The following NBEA variants were observed in gnomAD, a reference collection of about 807,000 sequenced individuals.
The protein encoded by NBEA is neurobeachin.
In NBEA, 44 loss-of-function variants were observed where a neutral mutation model predicts 343.4. That is an observed-to-expected ratio of 0.13 (90% CI 0.10 to 0.16). The LOEUF (loss-of-function observed/expected upper bound fraction) is 0.16, where lower values mean the gene tolerates loss of function less well. Ranked by LOEUF, NBEA falls within the 10% of genes least tolerant of loss-of-function variation. The pLI, the probability that NBEA is intolerant of heterozygous loss-of-function variation, is 1.00. For synonymous variants in NBEA, 1,175 were observed against 1,238.7 expected, an observed-to-expected ratio of 0.95 and a Z score of 1.08; for missense variants, 2,555 against 3,631.3, an observed-to-expected ratio of 0.70 and a Z score of 7.62.
intron 45 of NBEA, among the ~76,000 whole-genome samples, chr13:35,572,927 A>G (rs2080510087): frequency 6.6e-6 from 1 of 152,204 alleles, no homozygotes; most frequent in East Asian, 1.9e-4. Context: ...CCTAATGCTT[A>G]ATTTTAAACA....
intron 34 of NBEA, among the ~76,000 whole-genome samples, chr13:35,284,635 A>T (rs966008245): frequency 6.6e-6 from 1 of 152,088 alleles, no homozygotes; most frequent in Non-Finnish European, 1.5e-5. Context: ...CATTATTGTT[A>T]TTTCAAAGGA....
At chr13:35,441,628 T>G (rs2045742119) in intron 39 of NBEA, among the ~76,000 whole-genome samples, 1 of 152,046 alleles carries the variant, frequency 6.6e-6, no homozygotes, top group South Asian at 2.1e-4. Context: ...AGTGATCAAT[T>G]AGGGAATTGT....
chr13:35,026,574 C>G (rs2062027072), intron 1 of NBEA, among the ~76,000 whole-genome samples: 2 of 152,206 alleles, frequency 1.3e-5, no homozygotes, highest in South Asian at 4.2e-4. Context: ...GTACTATCCT[C>G]TTTTGTTTCT....
At chr13:35,203,304 C>G (rs1175859010) in intron 31 of NBEA, among the ~76,000 whole-genome samples, 3 of 152,122 alleles carry the variant, frequency 2.0e-5, no homozygotes, top group Non-Finnish European at 4.4e-5. Context: ...TCACACTAGC[C>G]TTTGTACTGT....
intron 35 of NBEA, among the ~76,000 whole-genome samples, chr13:35,300,289 A>C (rs1379316655): frequency 1.3e-5 from 2 of 152,102 alleles, no homozygotes; most frequent in Non-Finnish European, 2.9e-5. Context: ...GAGCCACTGC[A>C]CTCCAGCCTG....
intron 43 of NBEA, 77 bp downstream of exon 43, chr13:35,551,109 G>A (rs1427383250): frequency 2.5e-6 from 2 of 802,690 alleles, no homozygotes; most frequent in African/African-American, 3.5e-5. Flanking sequence ...TGTAAATGTG[G>A]TTATAACATT....
intron 17 of NBEA, among the ~76,000 whole-genome samples, chr13:35,129,008 C>T (rs1354558975): frequency 7.3e-6 from 1 of 137,592 alleles, no homozygotes; most frequent in East Asian, 2.2e-4. Flanking sequence ...CCAAACACCA[C>T]ATGTTCTCAC....
intron 13 of NBEA, among the ~76,000 whole-genome samples, chr13:35,113,606 T>TATC (rs1288207967): frequency 6.6e-6 from 1 of 151,442 alleles, no homozygotes; most frequent in Non-Finnish European, 1.5e-5. Flanking sequence ...TCTATCTATC[T>TATC]ATCTATCTAT....
rs1180098244 is a variant in NBEA, at chr13:35,161,842, C to G, written c.3954C>G (p.Arg1318=). ...RGMPMTEEQR[R]QFSPGPRTTM... ...TGCCAATGACTGAGGAACAGCGACGCCAGTTTAGCCCAGGTCCACGGACTA... is the reference window on the plus strand; with the variant it reads ...TGCCAATGACTGAGGAACAGCGACGGCAGTTTAGCCCAGGTCCACGGACTA... Residue 1318 remains arginine, a synonymous_variant, in exon 23 of 59, where the codon CGC becomes CGG. Transcript: ENST00000379939. 1 of 1,610,806 alleles carries G rather than the reference C, an allele frequency of 6.2e-7. No homozygotes were observed. The highest frequency in any genetic ancestry group is 1.3e-5 in the African/African-American group (1 of 74,850).
chr13:35,144,092 C>T (rs1593494851), intron 18 of NBEA, among the ~76,000 whole-genome samples: 1 of 152,060 alleles, frequency 6.6e-6, no homozygotes, highest in Non-Finnish European at 1.5e-5. Flanking sequence ...ATTTCGGTCT[C>T]TGCAAATAAA....
intron 30 of NBEA, chr13:35,186,760 CCTAAAATTTTTTGTTT>C (rs1175498218): frequency 6.6e-6 from 1 of 152,014 alleles, no homozygotes; most frequent in Non-Finnish European, 1.5e-5. Flanking sequence ...TCACTCTTTA[CCTAAAATTTTTTGTTT>C]AGTTATGTTG....
At chr13:35,424,528 A>ATG (rs1223513136) in intron 38 of NBEA, among the ~76,000 whole-genome samples, 2 of 152,086 alleles carry the variant, frequency 1.3e-5, no homozygotes, top group Admixed American at 1.3e-4. Flanking sequence ...AAGCTTATTG[A>ATG]TGTGCTGCTG....
At chr13:35,222,828 T>A (rs1429662043) in intron 33 of NBEA, among the ~76,000 whole-genome samples, 3 of 152,156 alleles carry the variant, frequency 2.0e-5, no homozygotes, top group African/African-American at 7.2e-5. Context: ...CTTTTATATA[T>A]CTTAACGAAG....
At chr13:35,003,204 C>T (rs957809092) in intron 1 of NBEA, among the ~76,000 whole-genome samples, 1 of 152,084 alleles carries the variant, frequency 6.6e-6, no homozygotes, top group Non-Finnish European at 1.5e-5. Context: ...GAAACCTCAT[C>T]TCTACAAAAC....
chr13:35,239,279 C>T (rs1254115743), intron 34 of NBEA, among the ~76,000 whole-genome samples: 1 of 152,028 alleles, frequency 6.6e-6, no homozygotes, highest in African/African-American at 2.4e-5. Flanking sequence ...TAGCTTATAG[C>T]TACATGATAT....
intron 33 of NBEA, among the ~76,000 whole-genome samples, chr13:35,230,869 C>T (rs956688742): frequency 1.6e-4 from 24 of 151,934 alleles, no homozygotes; most frequent in Non-Finnish European, 2.2e-4. Context: ...AAATGCTTGC[C>T]GTACACACAG....
intron 41 of NBEA, among the ~76,000 whole-genome samples, chr13:35,513,210 C>A (rs1218560113): frequency 6.7e-6 from 1 of 149,296 alleles, no homozygotes; most frequent in South Asian, 2.1e-4. Flanking sequence ...AACCTCGGCT[C>A]GCTGCAACCT....
intron 1 of NBEA, among the ~76,000 whole-genome samples, chr13:34,999,630 G>A (rs1353872093): frequency 6.6e-6 from 1 of 151,974 alleles, no homozygotes; most frequent in African/African-American, 2.4e-5. Context: ...TTATAAAAGT[G>A]GAAGCCTGTG....
chr13:35,177,200 C>T (rs2070964857), intron 28 of NBEA, 97 bp downstream of exon 28: 1 of 883,352 alleles, frequency 1.1e-6, no homozygotes, highest in Non-Finnish European at 1.8e-6. Context: ...AACGACATTC[C>T]CTAGTATCTG....
Sources: gnomAD v4.1 joint callset for allele counts (sites outside exome capture counted in the v4.1 genomes callset) on GRCh38, gnomAD v4.1.1 for gene constraint, MANE v1.5 for transcripts, NCBI Gene and HGNC (gene_info 2026-07-23, HGNC 2026-07-21) for gene names.